The following GAB2 variants were observed in gnomAD, a reference collection of about 807,000 sequenced individuals.
The protein encoded by GAB2 is GRB2 associated binding protein 2.
A neutral mutation model predicts 65.5 loss-of-function variants in GAB2; 26 were observed. The ratio of observed to expected loss-of-function variants is 0.40; its 90% CI spans 0.29 to 0.55. GAB2 has a LOEUF of 0.55. Among genes scored for constraint, GAB2 ranks in the 20% least tolerant of loss-of-function variants. GAB2 has a pLI of 0.53. For missense variants in GAB2, 884 were observed against 875.8 expected (o/e 1.01, Z -0.12); for synonymous variants, 321 against 329.6 (o/e 0.97, Z 0.28).
At position 78,225,149 on chromosome 11, in the gene GAB2, G is replaced by A. The variant is rs890017822; in HGVS notation, c.1261C>T (p.Arg421Trp). ...CCATCACTCATGGATTCAGCAGACC[G>A]GCCTGCACTCTCTCCACCACGCTGT... ...YPQRGGESAG[R>W]SAESMSDGVG... is the part of the protein sequence containing the mutation. The change falls in exon 5 of 10, where the codon CGG becomes TGG. Residue 421 changes from arginine (R) to tryptophan (W), a missense_variant. Physicochemically the swap from Arg to Trp is moderately radical, Grantham distance 101. Coordinates refer to ENST00000361507, the MANE Select transcript of GAB2 (RefSeq NM_080491.3). The A allele has an allele frequency of 8.1e-6, 13 of 1,613,524 alleles. No homozygotes were observed. The Admixed American group carries it at 1.3e-4, about 17-fold the overall frequency.
Position 78,280,730 on chromosome 11 carries a change from T to C in GAB2, c.247A>G (p.Ser83Gly). ...CTGGTCTTGATGTCAAACACAAAAC[T>C]ATCCTGCAGCTCCTTCTTGTTAAAG... ...LTFNKKELQD[S>G]FVFDIKTSER... Residue 83 changes from serine to glycine, a missense_variant, in exon 2 of 10, where the codon AGT (serine) becomes GGT (glycine). Coordinates refer to ENST00000361507, the MANE Select transcript of GAB2 (RefSeq NM_080491.3). 1 of 1,614,166 alleles carries C rather than the reference T, an allele frequency of 6.2e-7. No homozygotes were observed. Among genetic ancestry groups the C allele is most frequent in the Non-Finnish European group, 8.5e-7 (1 of 1,180,008 alleles).
chr11:78,256,761 T>G (rs115785394), intron 2 of GAB2, among the ~76,000 whole-genome samples: 1,693 of 152,330 alleles, frequency 0.011, 27 homozygotes, highest in African/African-American at 0.039. Flanking sequence ...AAGGCATTAA[T>G]AGGATTTGTT....
chr11:78,283,426 C>T (rs1377456266), intron 1 of GAB2, among the ~76,000 whole-genome samples: 1 of 152,196 alleles, frequency 6.6e-6, no homozygotes, highest in African/African-American at 2.4e-5. Context: ...CGTTTCCTAT[C>T]TCAGAAGAAA....
At position 78,226,750 on chromosome 11, in the gene GAB2, C is replaced by T; in HGVS notation, c.922G>A (p.Asp308Asn). ...PSNTLCREFG[D>N]LLVDNMDVPA... ...ACATCCATATTGTCTACCAGGAGGT[C>T]CCCGAACTCCCTGCACAGGGTGTTG... The change falls in exon 4 of 10, where the codon GAC (aspartate) becomes AAC (asparagine). Residue 308 changes from aspartate (D) to asparagine (N), a missense_variant. Transcript: ENST00000361507. The T allele has an allele frequency of 1.2e-6, 2 of 1,613,986 alleles. No homozygotes were observed. The highest frequency in any genetic ancestry group is 1.7e-6 in the Non-Finnish European group (2 of 1,179,960).
rs560235737 is a variant in GAB2, at chr11:78,233,316, T to A, written c.621-6265A>T. On this transcript the variant is annotated intron_variant, in intron 3 of 9. Coordinates refer to ENST00000361507, the MANE Select transcript of GAB2 (RefSeq NM_080491.3). ...TCCCAAAGTGCTGGGATTATAGGCA[T>A]GAGCCACTGCGTCTGGCCTGTTAGC... is the stretch of plus-strand genomic sequence containing the variant. Among the ~76,000 whole-genome samples the A allele has an allele frequency of 1.6e-4, 25 of 152,350 alleles. No homozygotes were observed. In the South Asian group the frequency reaches 5.2e-3, roughly 32 times the overall value.
chr11:78,231,005 C>A (rs966515096), intron 3 of GAB2, among the ~76,000 whole-genome samples: 1 of 152,224 alleles, frequency 6.6e-6, no homozygotes, highest in African/African-American at 2.4e-5. Flanking sequence ...GCTGGGCTTA[C>A]AGAAGCCTTA....
chr11:78,358,483 C>CAAA (rs59495222), intron 1 of GAB2, among the ~76,000 whole-genome samples: 6,113 of 106,136 alleles, frequency 0.058, 441 homozygotes, highest in African/African-American at 0.18. Context: ...ATAAAGTGAC[C>CAAA]AAAAAAAAAA....
rs561793355 is a variant in GAB2 at position 78,244,988 on chromosome 11, A to G, written c.620+5169T>C. Among the ~76,000 whole-genome samples the G allele has an allele frequency of 4.1e-4, 62 of 152,334 alleles. 1 individual carries two copies. Among genetic ancestry groups the G allele is most frequent in the African/African-American group, 1.3e-3 (53 of 41,578 alleles). ...ATGTTAAAGAGCTATTTGCACCCCT[A>G]TGTTTATTGCATCATTAGTCACGAT... On this transcript the variant is annotated intron_variant, in intron 3 of 9. Transcript: ENST00000361507.
chr11:78,266,366 C>T (rs950968442), intron 2 of GAB2, among the ~76,000 whole-genome samples: 7 of 152,128 alleles, frequency 4.6e-5, no homozygotes, highest in African/African-American at 1.7e-4. Flanking sequence ...AACTGTGCTC[C>T]AGCCTTCCAG....
chr11:78,344,182 ATT>A (rs1856144952), intron 1 of GAB2, among the ~76,000 whole-genome samples: 1 of 152,254 alleles, frequency 6.6e-6, no homozygotes, highest in Non-Finnish European at 1.5e-5. Flanking sequence ...TGTGAGAAAG[ATT>A]TAACTCAGGA....
At chr11:78,342,801 T>A (rs1274657733) in intron 1 of GAB2, among the ~76,000 whole-genome samples, 2 of 152,182 alleles carry the variant, frequency 1.3e-5, no homozygotes, top group Non-Finnish European at 2.9e-5. Flanking sequence ...CATTTAGACA[T>A]CCTCCATAGT....
intron 1 of GAB2, among the ~76,000 whole-genome samples, chr11:78,335,787 T>TGGTA (rs1206463097): frequency 6.6e-6 from 1 of 152,174 alleles, no homozygotes; most frequent in African/African-American, 2.4e-5. Flanking sequence ...TCATTGGTAT[T>TGGTA]TTGACAGGGA....
At chr11:78,362,623 A>G (rs554819505) in intron 1 of GAB2, among the ~76,000 whole-genome samples, 1 of 152,288 alleles carries the variant, frequency 6.6e-6, no homozygotes, top group South Asian at 2.1e-4. Context: ...AGCCTGTCTC[A>G]CTGTATTAAC....
At chr11:78,289,648 G>C (rs1044830912) in intron 1 of GAB2, among the ~76,000 whole-genome samples, 6 of 151,954 alleles carry the variant, frequency 3.9e-5, no homozygotes, top group Non-Finnish European at 7.4e-5. Flanking sequence ...CATAAAAAAA[G>C]ACATAATACG....
chr11:78,335,960 A>T (rs534327513), intron 1 of GAB2, among the ~76,000 whole-genome samples: 1 of 152,188 alleles, frequency 6.6e-6, no homozygotes, highest in Non-Finnish European at 1.5e-5. Context: ...TTTTAGTTAA[A>T]TTAATTCCTA....
intron 1 of GAB2, among the ~76,000 whole-genome samples, chr11:78,416,635 G>A (rs1857199819): frequency 6.6e-6 from 1 of 152,154 alleles, no homozygotes; most frequent in Non-Finnish European, 1.5e-5. Flanking sequence ...GGGAGCAGAT[G>A]AGAGACCTTG....
intron 1 of GAB2, among the ~76,000 whole-genome samples, chr11:78,336,757 T>A (rs1382938667): frequency 6.6e-6 from 1 of 152,036 alleles, no homozygotes; most frequent in Non-Finnish European, 1.5e-5. Flanking sequence ...CATCAAACAG[T>A]GAAAAATGAA....
chr11:78,247,826 C>T (rs12285967), intron 3 of GAB2, among the ~76,000 whole-genome samples: 3,923 of 152,254 alleles, frequency 0.026, 174 homozygotes, highest in African/African-American at 0.091. Context: ...TCCTACCCTC[C>T]CAACTTCCTT....
At chr11:78,362,672 G>GA (rs1469206010) in intron 1 of GAB2, among the ~76,000 whole-genome samples, 3 of 143,842 alleles carry the variant, frequency 2.1e-5, no homozygotes, top group African/African-American at 8.8e-5. Flanking sequence ...CAAGTTAAAA[G>GA]AAAGACTTTC....
Sources: gnomAD v4.1 joint callset for allele counts (sites outside exome capture counted in the v4.1 genomes callset) on GRCh38, gnomAD v4.1.1 for gene constraint, MANE v1.5 for transcripts, NCBI Gene and HGNC (gene_info 2026-07-23, HGNC 2026-07-21) for gene names.